ZFPM2: variants seen among roughly 807,000 people sequenced by gnomAD.
The protein encoded by ZFPM2 is zinc finger protein, FOG family member 2, also known as zinc finger protein ZFPM2.
A neutral mutation model predicts 98.6 loss-of-function variants in ZFPM2; 20 were observed. The observed-to-expected ratio is 0.20, with a 90% confidence interval of 0.14 to 0.29. The LOEUF (loss-of-function observed/expected upper bound fraction) is 0.29, where lower values mean the gene tolerates loss of function less well. Ranked by LOEUF, ZFPM2 falls within the 10% of genes least tolerant of loss-of-function variation. The probability of loss-of-function intolerance (pLI) is 1.00; values close to 1 mark genes in which losing one functional copy is unlikely to be tolerated. For synonymous variants in ZFPM2, 518 were observed against 502.7 expected (o/e 1.03, Z -0.41); for missense variants, 1,310 against 1,388.6 (o/e 0.94, Z 0.90).
chr8:105,547,819 C>T (rs1404855575), intron 3 of ZFPM2, among the ~76,000 whole-genome samples: 1 of 152,042 alleles, frequency 6.6e-6, no homozygotes, highest in Non-Finnish European at 1.5e-5. Flanking sequence ...TAATTTCTAT[C>T]TTCTGATATT....
chr8:105,780,848 C>G (rs1260874517), intron 5 of ZFPM2, among the ~76,000 whole-genome samples: 1 of 152,174 alleles, frequency 6.6e-6, no homozygotes, highest in Non-Finnish European at 1.5e-5. Flanking sequence ...CCATTGCACT[C>G]TAGCCTGGGC....
At chr8:105,458,829 T>G (rs986269987) in intron 3 of ZFPM2, among the ~76,000 whole-genome samples, 6 of 151,836 alleles carry the variant, frequency 4.0e-5, no homozygotes, top group African/African-American at 1.5e-4. Flanking sequence ...TTCCAGAACA[T>G]TATCATATTC....
chr8:105,739,836 C>T (rs896868769), intron 5 of ZFPM2, among the ~76,000 whole-genome samples: 4 of 151,878 alleles, frequency 2.6e-5, no homozygotes, highest in African/African-American at 7.2e-5. Flanking sequence ...AAAAAGTAGA[C>T]AATTCAAAGA....
At chr8:105,762,085 CT>C (rs1812745014) in intron 5 of ZFPM2, among the ~76,000 whole-genome samples, 2 of 151,858 alleles carry the variant, frequency 1.3e-5, no homozygotes, top group East Asian at 1.9e-4. Context: ...ATTTAAGAAA[CT>C]TTTTGACAAA....
At chr8:105,743,093 T>G (rs1812259107) in intron 5 of ZFPM2, among the ~76,000 whole-genome samples, 1 of 152,016 alleles carries the variant, frequency 6.6e-6, no homozygotes, top group African/African-American at 2.4e-5. Context: ...AAGAAAATAC[T>G]CCACAATGAG....
At chr8:105,477,531 C>T (rs1322277927) in intron 3 of ZFPM2, among the ~76,000 whole-genome samples, 1 of 151,930 alleles carries the variant, frequency 6.6e-6, no homozygotes, top group Non-Finnish European at 1.5e-5. Flanking sequence ...GTGTGAGCCA[C>T]CGCGCCCCAC....
chr8:105,330,601 T>TACAC (rs1812206699), intron 1 of ZFPM2, among the ~76,000 whole-genome samples: 5 of 27,204 alleles, frequency 1.8e-4, no homozygotes, highest in Non-Finnish European at 2.4e-4. Context: ...TATACATATA[T>TACAC]ATATATATAC....
At position 105,803,482 on chromosome 8, in the gene ZFPM2, T is replaced by C. The variant is rs1328120062; in HGVS notation, c.3400T>C (p.Phe1134Leu). ...CDIQFNNLSN[F>L]ITHKKFYCSS... is the part of the protein sequence containing the mutation. ...TATCCAGTTCAACAACCTTTCAAAC[T>C]TTATAACTCACAAGAAGTTTTATTG... Residue 1134 changes from phenylalanine to leucine, a missense_variant, in exon 8 of 8, where the codon TTT becomes CTT. By Grantham distance (22) the Phe-to-Leu change is conservative (BLOSUM62 0). Coordinates refer to ENST00000407775, the MANE Select transcript of ZFPM2 (RefSeq NM_012082.4). 6.2e-7 allele frequency: 1 copy of C among 1,613,216 alleles called. No individual in the cohort carries two copies. The highest frequency in any genetic ancestry group is 8.5e-7 in the Non-Finnish European group (1 of 1,179,522).
chr8:105,438,771 C>T (rs933675852), intron 2 of ZFPM2, among the ~76,000 whole-genome samples: 1 of 152,108 alleles, frequency 6.6e-6, no homozygotes, highest in African/African-American at 2.4e-5. Flanking sequence ...ATATCAGTCC[C>T]CCCACTGAAA....
At chr8:105,418,592 T>A (rs2130076549) in intron 1 of ZFPM2, 1 of 518,634 alleles carries the variant, frequency 1.9e-6, no homozygotes, top group African/African-American at 1.9e-5. Context: ...TATGCTTTCA[T>A]CAGGGAGAGA....
chr8:105,416,597 A>C (rs185889286), intron 1 of ZFPM2, among the ~76,000 whole-genome samples: 1 of 152,060 alleles, frequency 6.6e-6, no homozygotes, highest in African/African-American at 2.4e-5. Flanking sequence ...AACTCAGAGT[A>C]TATATTCCAA....
chr8:105,610,452 CTT>C (rs1688310916), intron 4 of ZFPM2, among the ~76,000 whole-genome samples: 4 of 152,008 alleles, frequency 2.6e-5, no homozygotes, highest in Admixed American at 2.0e-4. Flanking sequence ...ACATCTTTAC[CTT>C]TAACTTTTAC....
intron 4 of ZFPM2, among the ~76,000 whole-genome samples, chr8:105,589,998 G>A (rs1315490884): frequency 6.6e-6 from 1 of 152,210 alleles, no homozygotes; most frequent in Non-Finnish European, 1.5e-5. Context: ...GGGATTACAG[G>A]TGTGAGCCAC....
intron 4 of ZFPM2, among the ~76,000 whole-genome samples, chr8:105,569,392 GTCTGTTTCGTCTGTGATCTTGCTTCA>G (rs1276505376): frequency 6.6e-6 from 1 of 152,102 alleles, no homozygotes; most frequent in Non-Finnish European, 1.5e-5. Context: ...TTACATCCAT[GTCTGTTTCGTCTGTGATCTTGCTTCA>G]TCTGCCTAAC....
intron 4 of ZFPM2, among the ~76,000 whole-genome samples, chr8:105,580,596 G>A (rs1815569052): frequency 6.6e-6 from 1 of 151,964 alleles, no homozygotes; most frequent in Non-Finnish European, 1.5e-5. Flanking sequence ...GCTTGACGAT[G>A]TTAACAACTA....
At chr8:105,427,052 C>G (rs960148772) in intron 2 of ZFPM2, among the ~76,000 whole-genome samples, 7 of 152,100 alleles carry the variant, frequency 4.6e-5, no homozygotes, top group African/African-American at 1.7e-4. Flanking sequence ...TTATAGCCAT[C>G]TTAAAAGTCC....
chr8:105,694,900 A>T (rs1333220039), intron 5 of ZFPM2, among the ~76,000 whole-genome samples: 1 of 152,182 alleles, frequency 6.6e-6, no homozygotes, highest in East Asian at 1.9e-4. Flanking sequence ...TAGCATATTA[A>T]CAATAATGAC....
intron 3 of ZFPM2, among the ~76,000 whole-genome samples, chr8:105,493,840 C>T (rs529732413): frequency 3.9e-5 from 6 of 152,058 alleles, no homozygotes; most frequent in Non-Finnish European, 7.4e-5. Context: ...ATTTTTTCCT[C>T]TATATTTTCT....
chr8:105,761,216 C>T (rs867981598), intron 5 of ZFPM2, among the ~76,000 whole-genome samples: 6 of 149,668 alleles, frequency 4.0e-5, no homozygotes, highest in African/African-American at 9.9e-5. Flanking sequence ...ACCAGTGTCG[C>T]AGGACAGTAG....
Sources: allele counts gnomAD v4.1 joint callset (sites outside exome capture counted in the v4.1 genomes callset), GRCh38; gene constraint gnomAD v4.1.1; transcripts MANE v1.5; gene names NCBI Gene and HGNC (gene_info 2026-07-23, HGNC 2026-07-21).